Variants in DISP2 observed in about 807,000 individuals in gnomAD.
The protein encoded by DISP2 is protein dispatched homolog 2.
DISP2 carries 59 observed loss-of-function variants against 95.5 expected under a neutral mutation model. The ratio of observed to expected loss-of-function variants is 0.62; its 90% CI spans 0.50 to 0.77. The LOEUF is 0.77. Among genes scored for constraint, DISP2 ranks in the 30% least tolerant of loss-of-function variants. The pLI is 0.00. For synonymous variants in DISP2, 827 were observed against 815.0 expected (o/e 1.01, Z -0.25); for missense variants, 1,752 against 1,854.6 (o/e 0.94, Z 1.02).
At position 40,367,198 on chromosome 15, in the gene DISP2, C is replaced by T; in HGVS notation, c.1086C>T (p.Ala362=). The part of the protein sequence containing the change: ...SCLDTTQADA[A]RTLALLRTCA... ...TGGACACTACCCAAGCTGACGCAGC[C>T]CGCACACTGGCCCTGCTTCGGACCT... The change falls in exon 8 of 8, where the codon GCC becomes GCT. Residue 362 remains alanine (A), a synonymous_variant. Transcript: ENST00000267889. 1 of 1,614,054 alleles carries T rather than the reference C, an allele frequency of 6.2e-7. No homozygotes were observed. The highest frequency in any genetic ancestry group is 1.3e-5 in the African/African-American group (1 of 75,004).
Position 40,374,327 on chromosome 15 carries a change from T to A in DISP2, c.*4009T>A, listed in dbSNP as rs1282741287. ...ATTTTTAGTAGAGACAGTAGAGTAT[T>A]TTTAGTGTTAGCCAGGATGGTCTCG... On this transcript the variant is annotated 3_prime_UTR_variant, in exon 8 of 8. Transcript: ENST00000267889. 2 of 150,658 alleles carry A rather than the reference T, an allele frequency of 1.3e-5. No homozygotes were observed. Among genetic ancestry groups the A allele is most frequent in the Non-Finnish European group, 3.0e-5 (2 of 67,768 alleles). 9.3% of individuals were successfully genotyped at this position (150,658 alleles called of 1,614,324 possible). A position where few individuals can be genotyped will look rare whatever the true frequency, so the allele number is the denominator to read the frequency against.
In DISP2 at chr15:40,370,474, C is replaced by T. The variant is rs1414421540; in HGVS notation, c.*156C>T. The T allele has an allele frequency of 4.8e-6, 6 of 1,252,238 alleles. No individual in the cohort carries two copies. In the African/African-American group the frequency reaches 8.9e-5, roughly 19 times the overall value. 77.6% of individuals were successfully genotyped at this position (1,252,238 alleles called of 1,614,324 possible). ...GTTAAACCCTGCCAGATGTCCCAGC[C>T]TTGATCTGTCTGCTCCTACTCCTCA... is the stretch of plus-strand genomic sequence containing the variant. On this transcript the variant is annotated 3_prime_UTR_variant, in exon 8 of 8. Transcript: ENST00000267889.
In DISP2 at chr15:40,378,003, T is replaced by G. The variant is rs936062100; in HGVS notation, c.*7685T>G. On this transcript the variant is annotated 3_prime_UTR_variant, in exon 8 of 8. Transcript: ENST00000267889. ...GACCTGAATTCAGGAATCAAGCTGTTTCTAAGTAACTGAAGTGTATCCCAG... is the reference window on the plus strand; with the variant it reads ...GACCTGAATTCAGGAATCAAGCTGTGTCTAAGTAACTGAAGTGTATCCCAG... 1 of 152,214 alleles carries G rather than the reference T, an allele frequency of 6.6e-6. No homozygotes were observed. Among genetic ancestry groups the G allele is most frequent in the African/African-American group, 2.4e-5 (1 of 41,454 alleles). 9.4% of individuals were successfully genotyped at this position (152,214 alleles called of 1,614,324 possible).
rs1889443869 is a variant in DISP2 at position 40,363,709 on chromosome 15, C to T, written c.204C>T (p.Ser68=). The stretch of plus-strand genomic sequence containing the variant: ...GCTGCCCCCTGGAGGACCCTTCCAG[C>T]TCTTCAGGACCCCCACCAACAACTT... The part of the protein sequence containing the change: ...LHSCPLEDPS[S]SSGPPPTTST... The change falls in exon 2 of 8, where the codon AGC becomes AGT. Residue 68 remains serine, a synonymous_variant. Coordinates refer to ENST00000267889, the MANE Select transcript of DISP2 (RefSeq NM_033510.3). 1 of 1,611,664 alleles carries T rather than the reference C, an allele frequency of 6.2e-7. No homozygotes were observed. Among genetic ancestry groups the T allele is most frequent in the Admixed American group, 1.7e-5 (1 of 59,728 alleles).
At chr15:40,362,147 AG>A (rs35063563) in intron 1 of DISP2, among the ~76,000 whole-genome samples, 1 of 152,172 alleles carries the variant, frequency 6.6e-6, no homozygotes, top group Non-Finnish European at 1.5e-5. Flanking sequence ...CCTTGGGGTG[AG>A]GGGGTGTCCC....
At position 40,367,512 on chromosome 15, in the gene DISP2, CCT is replaced by C. The variant is rs1889520008; in HGVS notation, c.1403_1404del (p.Ser468CysfsTer101). The C allele has an allele frequency of 6.2e-7, 1 of 1,613,760 alleles. No individual in the cohort carries two copies. The highest frequency in any genetic ancestry group is 8.5e-7 in the Non-Finnish European group (1 of 1,179,994). ...CCCTGGGGGCTTGCTGACAACTACA[CCT>C]CTGTCACTGGCATGGACCTGGGCCT... On this transcript the variant is annotated frameshift_variant, in exon 8 of 8. Coordinates refer to ENST00000267889, the MANE Select transcript of DISP2 (RefSeq NM_033510.3). LOFTEE classifies it high-confidence loss of function.
rs199718039 is a variant in DISP2 at position 40,368,321 on chromosome 15, G to T, written c.2209G>T (p.Gly737Cys). The stretch of plus-strand genomic sequence containing the variant: ...GCTGCCCACGCTGCCGCCGCCCGGC[G>T]GCCAGGTCTTCCGGCCCAGCCACCC... ...LRLPTLPPPG[G>C]QVFRPSHPFE... The change falls in exon 8 of 8, where the codon GGC becomes TGC. Residue 737 changes from glycine to cysteine, a missense_variant. Gly to Cys is a radical substitution (Grantham distance 159). This residue lies in a region of DISP2 where 732 missense variants were observed against 714.6 expected (regional missense o/e 1.02). Transcript: ENST00000267889. 1.8e-4 allele frequency: 293 copies of T among 1,603,778 alleles called. 2 individuals are homozygous for T. In the East Asian group the frequency reaches 5.4e-3, roughly 30 times the overall value.
rs1297164848 is a variant in DISP2, at chr15:40,367,629, A to G, written c.1517A>G (p.Tyr506Cys). Residue 506 changes from tyrosine to cysteine, a missense_variant, in exon 8 of 8, where the codon TAC (tyrosine) becomes TGC (cysteine). Transcript: ENST00000267889. ...GCCATCTTCTTCGGCATGGCCCTGT[A>G]CCTGCGCTCACTCTTCCTCACGCTC... ...LVAIFFGMAL[Y>C]LRSLFLTLMV... 2.9e-5 allele frequency: 46 copies of G among 1,613,788 alleles called. No individual in the cohort carries two copies. The highest frequency in any genetic ancestry group is 3.8e-5 in the Non-Finnish European group (45 of 1,179,958).
In DISP2 at chr15:40,369,358, G is replaced by C. The variant is rs761250682; in HGVS notation, c.3246G>C (p.Val1082=). The C allele has an allele frequency of 2.5e-6, 4 of 1,613,568 alleles. No homozygotes were observed. The Admixed American group carries it at 6.7e-5, about 27-fold the overall frequency. ...GCGTGCTCATGCTGCCTGCCACAGT[G>C]CTGCTCTATCGCAAGCTGGGCATCA... ...AAGVLMLPAT[V]LLYRKLGIIL... is the part of the protein sequence containing the mutation. The change falls in exon 8 of 8, where the codon GTG becomes GTC. Residue 1082 remains valine, a synonymous_variant. Coordinates refer to ENST00000267889, the MANE Select transcript of DISP2 (RefSeq NM_033510.3).
In DISP2 at chr15:40,369,547, C is replaced by G. The variant is rs1250076667; in HGVS notation, c.3435C>G (p.Gly1145=). Residue 1145 remains glycine, a synonymous_variant, in exon 8 of 8, where the codon GGC becomes GGG. Coordinates refer to ENST00000267889, the MANE Select transcript of DISP2 (RefSeq NM_033510.3). The part of the protein sequence containing the change: ...GTGDPGGEKA[G]RPRPGSVGGM... ...GGGACCCTGGTGGGGAGAAGGCAGG[C>G]CGCCCACGACCAGGGTCAGTGGGAG... The G allele has an allele frequency of 1.9e-6, 3 of 1,612,436 alleles. No homozygotes were observed. Among genetic ancestry groups the G allele is most frequent in the Non-Finnish European group, 2.5e-6 (3 of 1,180,006 alleles).
rs990478765 is a variant in DISP2, at chr15:40,373,891, C to T, written c.*3573C>T. 6.6e-6 allele frequency: 1 copy of T among 150,694 alleles called. No individual in the cohort carries two copies. The highest frequency in any genetic ancestry group is 1.5e-5 in the Non-Finnish European group (1 of 67,744). 9.3% of individuals were successfully genotyped at this position (150,694 alleles called of 1,614,324 possible). Reference sequence around the variant, plus strand: ...TGGTGGCGGGCGCCTGTAGTCCCAGCTACTCGGGAGGCTGAGGCAGGAGAA... The same window carrying T: ...TGGTGGCGGGCGCCTGTAGTCCCAGTTACTCGGGAGGCTGAGGCAGGAGAA... On this transcript the variant is annotated 3_prime_UTR_variant, in exon 8 of 8. Coordinates refer to ENST00000267889, the MANE Select transcript of DISP2 (RefSeq NM_033510.3).
At position 40,372,238 on chromosome 15, in the gene DISP2, C is replaced by CACA. The variant is rs887024082; in HGVS notation, c.*1921_*1923dup. On this transcript the variant is annotated 3_prime_UTR_variant, in exon 8 of 8. Coordinates refer to ENST00000267889, the MANE Select transcript of DISP2 (RefSeq NM_033510.3). The stretch of plus-strand genomic sequence containing the variant: ...GAACCCCTCCGGCTCCTGGCAGCTT[C>CACA]ACAGAATGTAATATGAAAGCTACTG... The CACA allele has an allele frequency of 3.3e-5, 5 of 152,176 alleles. No homozygotes were observed. The highest frequency in any genetic ancestry group is 9.6e-5 in the African/African-American group (4 of 41,502). The allele number at this position is 152,176 out of a possible 1,614,324, so 9.4% of individuals were successfully genotyped here.
chr15:40,364,764 G>T, intron 4 of DISP2, 74 bp from the exon 5 acceptor site: 2 of 1,483,742 alleles, frequency 1.3e-6, no homozygotes, highest in Non-Finnish European at 1.8e-6. Flanking sequence ...GAGTCAAAGG[G>T]GCAGAGCTGA....
rs759205316 is a variant in DISP2 at position 40,370,079 on chromosome 15, A to T, written c.3967A>T (p.Thr1323Ser). 6.2e-7 allele frequency: 1 copy of T among 1,613,346 alleles called. No individual in the cohort carries two copies. Among genetic ancestry groups the T allele is most frequent in the Non-Finnish European group, 8.5e-7 (1 of 1,179,612 alleles). ...TGTGTCCCCAGATGACCTGGATGAC[A>T]CTGGGCAGCCAGTCCTTGAGCGAGG... ...VGVSPDDLDD[T>S]GQPVLERGQL... is the part of the protein sequence containing the mutation. The change falls in exon 8 of 8, where the codon ACT becomes TCT. Residue 1323 changes from threonine to serine, a missense_variant. Physicochemically the swap from Thr to Ser is moderately conservative, Grantham distance 58. Around this residue, in one of 5 missense-constraint regions of DISP2, gnomAD observed 347 missense variants for 344.2 expected, o/e 1.01. Coordinates refer to ENST00000267889, the MANE Select transcript of DISP2 (RefSeq NM_033510.3).
chr15:40,367,063 C>T lies in DISP2; in HGVS notation c.951C>T (p.Arg317=). The change falls in exon 8 of 8, where the codon CGC becomes CGT. Residue 317 remains arginine, a synonymous_variant. Coordinates refer to ENST00000267889, the MANE Select transcript of DISP2 (RefSeq NM_033510.3). ...SMCRMEQDQI[R]SHTSFGALCQ... ...CTCCTGCGTGTGCCCTACAGATCCGCTCCCATACCAGCTTCGGGGCTCTGT... is the reference window on the plus strand; with the variant it reads ...CTCCTGCGTGTGCCCTACAGATCCGTTCCCATACCAGCTTCGGGGCTCTGT... The T allele has an allele frequency of 1.9e-6, 3 of 1,609,254 alleles. No homozygotes were observed. Among genetic ancestry groups the T allele is most frequent in the Non-Finnish European group, 2.5e-6 (3 of 1,179,980 alleles).
In DISP2 at chr15:40,358,397, C is replaced by T; in HGVS notation, c.76C>T (p.Pro26Ser). The T allele has an allele frequency of 7.4e-7, 1 of 1,351,734 alleles. No homozygotes were observed. The highest frequency in any genetic ancestry group is 9.5e-7 in the Non-Finnish European group (1 of 1,055,806). 83.7% of individuals were successfully genotyped at this position (1,351,734 alleles called of 1,614,324 possible). Residue 26 changes from proline (P) to serine (S), a missense_variant, in exon 1 of 8, where the codon CCC becomes TCC. Pro to Ser is a moderately conservative substitution (Grantham distance 74, BLOSUM62 -1). Coordinates refer to ENST00000267889, the MANE Select transcript of DISP2 (RefSeq NM_033510.3). ...CCCGGGTCCGGAAGGGGAGCAACGG[C>T]CCGAGGGGGAGCCCTTGGCCCCAGA... is the stretch of plus-strand genomic sequence containing the variant. ...PGPGPEGEQR[P>S]EGEPLAPDGG...
In DISP2 at chr15:40,369,431, T is replaced by C. The variant is rs1477947188; in HGVS notation, c.3319T>C (p.Phe1107Leu). 1.9e-6 allele frequency: 3 copies of C among 1,613,528 alleles called. No homozygotes were observed. The highest frequency in any genetic ancestry group is 2.2e-5 in the South Asian group (2 of 91,088). Residue 1107 changes from phenylalanine to leucine, a missense_variant, in exon 8 of 8, where the codon TTC becomes CTC. Phe to Leu is a conservative substitution (Grantham distance 22). Around this residue, in one of 5 missense-constraint regions of DISP2, gnomAD observed 317 missense variants for 394.9 expected, o/e 0.80. Coordinates refer to ENST00000267889, the MANE Select transcript of DISP2 (RefSeq NM_033510.3). ...CVSCGFASFF[F>L]QSLCCFFGPE... is the part of the protein sequence containing the mutation. ...CAGTTGTGGCTTTGCCAGCTTCTTC[T>C]TCCAATCTCTCTGCTGTTTCTTCGG... is the stretch of plus-strand genomic sequence containing the variant.
At position 40,369,051 on chromosome 15, in the gene DISP2, T is replaced by A; in HGVS notation, c.2939T>A (p.Leu980His). 6.2e-7 allele frequency: 1 copy of A among 1,614,036 alleles called. No individual in the cohort carries two copies. The highest frequency in any genetic ancestry group is 8.5e-7 in the Non-Finnish European group (1 of 1,180,042). ...LALALAFATLLLGTWNVPLSL... is the reference protein window; with the variant it reads ...LALALAFATLHLGTWNVPLSL... Reference sequence around the variant, plus strand: ...TTGGCGCTGGCCTTTGCCACACTGCTCCTGGGCACCTGGAATGTTCCCCTC... The same window carrying A: ...TTGGCGCTGGCCTTTGCCACACTGCACCTGGGCACCTGGAATGTTCCCCTC... Residue 980 changes from leucine to histidine, a missense_variant, in exon 8 of 8, where the codon CTC becomes CAC. Physicochemically the swap from Leu to His is moderately conservative, Grantham distance 99 (BLOSUM62 -3). This residue lies in a region of DISP2 where 317 missense variants were observed against 394.9 expected (regional missense o/e 0.80). Coordinates refer to ENST00000267889, the MANE Select transcript of DISP2 (RefSeq NM_033510.3).
Position 40,367,190 on chromosome 15 carries a change from G to T in DISP2, c.1078G>T (p.Asp360Tyr). 1 of 1,614,010 alleles carries T rather than the reference G, an allele frequency of 6.2e-7. No homozygotes were observed. The highest frequency in any genetic ancestry group is 8.5e-7 in the Non-Finnish European group (1 of 1,180,002). The change falls in exon 8 of 8, where the codon GAC becomes TAC. Residue 360 changes from aspartate to tyrosine, a missense_variant. Asp to Tyr is a radical substitution (Grantham distance 160). This residue lies in a region of DISP2 where 732 missense variants were observed against 714.6 expected (regional missense o/e 1.02). Coordinates refer to ENST00000267889, the MANE Select transcript of DISP2 (RefSeq NM_033510.3). ...RSSCLDTTQA[D>Y]AARTLALLRT... ...CTCCTGCCTGGACACTACCCAAGCT[G>T]ACGCAGCCCGCACACTGGCCCTGCT...
Sources: gnomAD v4.1 joint callset for allele counts (sites outside exome capture counted in the v4.1 genomes callset) on GRCh38, gnomAD v4.1.1 for gene constraint, gnomAD v4.1.1 regional missense constraint, MANE v1.5 for transcripts, NCBI Gene and HGNC (gene_info 2026-07-23, HGNC 2026-07-21) for gene names.